The following NTRK2 variants were observed in gnomAD, a reference collection of about 807,000 sequenced individuals.
NTRK2 encodes BDNF/NT-3 growth factors receptor.
NTRK2 carries 13 observed loss-of-function variants against 94.5 expected under a neutral mutation model. The ratio of observed to expected loss-of-function variants is 0.14; its 90% CI spans 0.09 to 0.22. The LOEUF (loss-of-function observed/expected upper bound fraction) is 0.22. Ranked by LOEUF, NTRK2 falls within the 10% of genes least tolerant of loss-of-function variation. The pLI is 1.00. For synonymous variants in NTRK2, 372 were observed against 407.4 expected, an observed-to-expected ratio of 0.91 and a Z score of 1.05; for missense variants, 639 against 1,071.2, an observed-to-expected ratio of 0.60 and a Z score of 5.63.
chr9:84,744,939 A>G (rs2063934465), intron 10 of NTRK2, 34 bp from the exon 11 acceptor site: 3 of 1,454,988 alleles, frequency 2.1e-6, no homozygotes, highest in Admixed American at 3.3e-5. Flanking sequence ...TGACAACTTC[A>G]TGTTCTTCCT....
intron 14 of NTRK2, among the ~76,000 whole-genome samples, chr9:84,882,719 T>TGTGTGTGTGCGCGCGC (rs761042296): frequency 1.4e-5 from 2 of 145,742 alleles, no homozygotes; most frequent in Non-Finnish European, 1.5e-5. Flanking sequence ...TGTGTGTGTG[T>TGTGTGTGTGCGCGCGC]GCGCGCGCGC....
At chr9:84,891,414 A>G (rs1032353793) in intron 14 of NTRK2, among the ~76,000 whole-genome samples, 2 of 151,774 alleles carry the variant, frequency 1.3e-5, no homozygotes, top group Non-Finnish European at 2.9e-5. Context: ...GCACTACAAC[A>G]TGGGAATTTT....
chr9:84,902,853 T>C (rs1402391927), intron 14 of NTRK2, among the ~76,000 whole-genome samples: 1 of 152,216 alleles, frequency 6.6e-6, no homozygotes, highest in African/African-American at 2.4e-5. Flanking sequence ...AAACTGAGCC[T>C]TAGTTATTTC....
intron 11 of NTRK2, among the ~76,000 whole-genome samples, chr9:84,748,080 T>A (rs1478379127): frequency 6.6e-6 from 1 of 152,172 alleles, no homozygotes; most frequent in Non-Finnish European, 1.5e-5. Flanking sequence ...CTTCCAGCAT[T>A]TTGTTGGATT....
intron 14 of NTRK2, among the ~76,000 whole-genome samples, chr9:84,928,840 G>C (rs980117861): frequency 1.3e-5 from 2 of 152,096 alleles, no homozygotes; most frequent in African/African-American, 4.8e-5. Flanking sequence ...TTATCTTTTA[G>C]AGTATATTAG....
At chr9:84,907,557 C>G (rs2077108315) in intron 14 of NTRK2, among the ~76,000 whole-genome samples, 1 of 152,154 alleles carries the variant, frequency 6.6e-6, no homozygotes, top group South Asian at 2.1e-4. Context: ...GCAAAAATCC[C>G]AAAAGCTCTG....
In NTRK2 at chr9:85,020,198, C is replaced by G; in HGVS notation, c.2173-8C>G. 6.2e-7 allele frequency: 1 copy of G among 1,614,070 alleles called. No homozygotes were observed. ...CTGATGCCTCCCTGTTGATCCCTTT[C>G]TCCCCAGGTCGGTGGCCACACAATG... On this transcript the variant is annotated splice_region_variant and splice_polypyrimidine_tract_variant and intron_variant, in intron 17 of 18. Transcript: ENST00000277120.
At chr9:84,879,152 G>C (rs1414093560) in intron 14 of NTRK2, among the ~76,000 whole-genome samples, 1 of 152,146 alleles carries the variant, frequency 6.6e-6, no homozygotes, top group Non-Finnish European at 1.5e-5. Flanking sequence ...GAGAGAGAGA[G>C]AGACAGAGAG....
chr9:84,730,462 C>T (rs1318221008), intron 9 of NTRK2, among the ~76,000 whole-genome samples: 1 of 127,194 alleles, frequency 7.9e-6, no homozygotes, highest in Non-Finnish European at 1.6e-5. Flanking sequence ...AAAAATAGGC[C>T]GGGCGCGGTG....
At chr9:84,719,154 G>A (rs1003372338) in intron 6 of NTRK2, among the ~76,000 whole-genome samples, 2 of 152,222 alleles carry the variant, frequency 1.3e-5, no homozygotes, top group African/African-American at 4.8e-5. Context: ...TGTACAGCTC[G>A]GGAGGTAGTG....
At chr9:84,691,709 G>A (rs1384596716) in intron 2 of NTRK2, among the ~76,000 whole-genome samples, 1 of 152,122 alleles carries the variant, frequency 6.6e-6, no homozygotes, top group East Asian at 1.9e-4. Context: ...CCCTGTGACT[G>A]CCCCAGAACT....
chr9:84,881,049 A>C (rs756683406), intron 14 of NTRK2, among the ~76,000 whole-genome samples: 3 of 152,254 alleles, frequency 2.0e-5, no homozygotes, highest in Non-Finnish European at 4.4e-5. Flanking sequence ...AGATGCAGCC[A>C]GAGAGTGGTT....
chr9:84,711,092 C>T (rs1162903606), intron 6 of NTRK2, among the ~76,000 whole-genome samples: 1 of 152,200 alleles, frequency 6.6e-6, no homozygotes, highest in Non-Finnish European at 1.5e-5. Flanking sequence ...CATTTATCCA[C>T]CCATCCATCT....
intron 15 of NTRK2, among the ~76,000 whole-genome samples, chr9:84,934,921 A>T (rs2078165090): frequency 6.6e-6 from 1 of 152,180 alleles, no homozygotes; most frequent in South Asian, 2.1e-4. Context: ...CATAAACTCA[A>T]AAAGGAGTCC....
intron 12 of NTRK2, among the ~76,000 whole-genome samples, chr9:84,853,097 T>A (rs2074867365): frequency 6.6e-6 from 1 of 152,170 alleles, no homozygotes. Flanking sequence ...CTAGGCCGGT[T>A]GACTGAGTGC....
chr9:84,765,387 A>C (rs1325518178), intron 12 of NTRK2, among the ~76,000 whole-genome samples: 1 of 152,220 alleles, frequency 6.6e-6, no homozygotes, highest in Non-Finnish European at 1.5e-5. Flanking sequence ...TAATGAGCCT[A>C]AATGCTTTCA....
At chr9:84,786,122 C>A (rs942879718) in intron 12 of NTRK2, among the ~76,000 whole-genome samples, 2 of 152,220 alleles carry the variant, frequency 1.3e-5, no homozygotes, top group African/African-American at 4.8e-5. Flanking sequence ...TTATGCTGAT[C>A]CCTGCCAATC....
chr9:84,776,115 GTC>G (rs2067007601), intron 12 of NTRK2, among the ~76,000 whole-genome samples: 2 of 152,074 alleles, frequency 1.3e-5, no homozygotes, highest in Non-Finnish European at 1.5e-5. Context: ...GTTGGTACCT[GTC>G]TATCTATCCA....
chr9:84,882,719 T>TGTGTGCGCACGCGC (rs761042296), intron 14 of NTRK2, among the ~76,000 whole-genome samples: 1 of 145,742 alleles, frequency 6.9e-6, no homozygotes, highest in Non-Finnish European at 1.5e-5. Flanking sequence ...TGTGTGTGTG[T>TGTGTGCGCACGCGC]GCGCGCGCGC....
Sources: gnomAD v4.1 joint callset for allele counts (sites outside exome capture counted in the v4.1 genomes callset) on GRCh38, gnomAD v4.1.1 for gene constraint, MANE v1.5 for transcripts, NCBI Gene and HGNC (gene_info 2026-07-23, HGNC 2026-07-21) for gene names.